Variants in RPL23A observed in about 807,000 individuals in gnomAD.
RPL23A encodes the protein ribosomal protein L23a, also known as large ribosomal subunit protein uL23.
RPL23A carries 2 observed loss-of-function variants against 17.6 expected under a neutral mutation model. The ratio of observed to expected loss-of-function variants is 0.11; its 90% confidence interval spans 0.05 to 0.36. The LOEUF is 0.36. Ranked by LOEUF, RPL23A falls within the 10% of genes least tolerant of loss-of-function variation. The pLI is 1.00. For synonymous variants in RPL23A, 65 were observed against 74.3 expected (o/e 0.87, Z 0.65); for missense variants, 132 against 194.4 (o/e 0.68, Z 1.91).
chr17:28,723,309 A>C lies in RPL23A; in HGVS notation c.387-262A>C. On this transcript the variant is annotated intron_variant, in intron 3 of 4. Coordinates refer to ENST00000422514, the MANE Select transcript of RPL23A (RefSeq NM_000984.6). Reference sequence around the variant, plus strand: ...GTTGGTCCTCATTTTCTGGGTCCCTACTTCTATTGGGAAAGGCAACTAGAG... The same window carrying C: ...GTTGGTCCTCATTTTCTGGGTCCCTCCTTCTATTGGGAAAGGCAACTAGAG... 4.7e-6 allele frequency: 3 copies of C among 644,296 alleles called. No individual in the cohort carries two copies. The South Asian group carries it at 4.8e-5, about 10-fold the overall frequency. The allele number at this position is 644,296 out of a possible 1,614,324, so 39.9% of individuals were successfully genotyped here.
chr17:28,720,775 G>T lies in RPL23A; in HGVS notation c.94G>T (p.Val32Phe). ...LKAKKAVLKG[V>F]HSHKKKKIRT... ...GGCCAAGAAGGCAGTGTTGAAAGGT[G>T]TCCACAGCCACAAAAAGAAGAAGAT... is the stretch of plus-strand genomic sequence containing the variant. Residue 32 changes from valine to phenylalanine, a missense_variant, in exon 2 of 5, where the codon GTC becomes TTC. Physicochemically the swap from Val to Phe is conservative, Grantham distance 50 (BLOSUM62 -1). This residue lies in a region of RPL23A where 63 missense variants were observed against 48.9 expected (regional missense o/e 1.29). Coordinates refer to ENST00000422514, the MANE Select transcript of RPL23A (RefSeq NM_000984.6). 1 of 1,612,462 alleles carries T rather than the reference G, an allele frequency of 6.2e-7. No homozygotes were observed. The highest frequency in any genetic ancestry group is 8.5e-7 in the Non-Finnish European group (1 of 1,178,476).
intron 2 of RPL23A, 198 bp from the exon 3 acceptor site, chr17:28,722,525 A>C: frequency 1.4e-6 from 1 of 738,604 alleles, no homozygotes; most frequent in Admixed American, 1.7e-5. Context: ...CTTCAAGAGA[A>C]AGAAAATGCA....
Position 28,720,715 on chromosome 17 carries a change from C to T in RPL23A, c.34C>T (p.Pro12Ser), listed in dbSNP as rs767159158. The T allele has an allele frequency of 3.7e-6, 6 of 1,614,032 alleles. No homozygotes were observed. Among genetic ancestry groups the T allele is most frequent in the Non-Finnish European group, 4.2e-6 (5 of 1,179,956 alleles). Residue 12 changes from proline to serine, a missense_variant, in exon 2 of 5, where the codon CCT (proline) becomes TCT (serine). Physicochemically the swap from Pro to Ser is moderately conservative, Grantham distance 74. Transcript: ENST00000422514. The part of the protein sequence containing the change: ...APKAKKEAPA[P>S]PKAEAKAKAL... ...CTTTCCTTTTCTCCCAGCTCCTGCC[C>T]CTCCTAAAGCTGAAGCCAAAGCGAA...
At chr17:28,720,073 G>T in intron 1 of RPL23A, 43 bp downstream of exon 1, 1 of 1,550,220 alleles carries the variant, frequency 6.5e-7, no homozygotes, top group Non-Finnish European at 8.7e-7. Flanking sequence ...ACCGGGGATT[G>T]CCGCGCCGCA....
intron 1 of RPL23A, 101 bp from the exon 2 acceptor site, chr17:28,720,606 C>A: frequency 7.1e-7 from 1 of 1,401,234 alleles, no homozygotes; most frequent in Non-Finnish European, 1.0e-6. Flanking sequence ...TCAAAGGAAC[C>A]ACTGATGCAC....
rs1321024481 is a variant in RPL23A, at chr17:28,722,480, AGAT to A, written c.210-239_210-237del. The A allele has an allele frequency of 9.4e-6, 6 of 637,758 alleles. No individual in the cohort carries two copies. In the African/African-American group the frequency reaches 1.1e-4, roughly 11 times the overall value. The allele number at this position is 637,758 out of a possible 1,614,324, so 39.5% of individuals were successfully genotyped here. A position where few individuals can be genotyped will look rare whatever the true frequency, so the allele number is the denominator to read the frequency against. On this transcript the variant is annotated intron_variant, in intron 2 of 4. Coordinates refer to ENST00000422514, the MANE Select transcript of RPL23A (RefSeq NM_000984.6). ...CCATGAGCCAGCACACCTGGCCCAG[AGAT>A]GATTCTTTAATCACTTGAGGTTGTA...
intron 3 of RPL23A, 138 bp from the exon 4 acceptor site, chr17:28,723,433 T>C (rs2034151832): frequency 1.3e-6 from 1 of 792,584 alleles, no homozygotes; most frequent in Non-Finnish European, 2.3e-6. Context: ...TCCTCTGGGC[T>C]AATGATGGAA....
intron 1 of RPL23A, 172 bp from the exon 2 acceptor site, chr17:28,720,535 T>C (rs1398729557): frequency 6.9e-7 from 1 of 1,455,624 alleles, no homozygotes; most frequent in South Asian, 1.1e-5. Context: ...GTTGGTCGCT[T>C]TCGCCTCTGG....
intron 1 of RPL23A, 156 bp downstream of exon 1, chr17:28,720,186 T>C: frequency 6.5e-7 from 1 of 1,527,056 alleles, no homozygotes; most frequent in Non-Finnish European, 8.9e-7. Flanking sequence ...GTGGGCCGCG[T>C]GGGCCCAGCC....
chr17:28,720,958 C>T lies in RPL23A; in HGVS notation c.209+68C>T, dbSNP rs954971069. On this transcript the variant is annotated intron_variant, in intron 2 of 4. Coordinates refer to ENST00000422514, the MANE Select transcript of RPL23A (RefSeq NM_000984.6). ...TCCATTGGTAATTTGGAAATTCACT[C>T]ACTCTGCGTGATGGTTTCTCAAACG... is the stretch of plus-strand genomic sequence containing the variant. 4 of 1,372,732 alleles carry T rather than the reference C, an allele frequency of 2.9e-6. No homozygotes were observed. The Admixed American group carries it at 7.5e-5, about 26-fold the overall frequency. The allele number at this position is 1,372,732 out of a possible 1,614,324, so 85.0% of individuals were successfully genotyped here.
intron 2 of RPL23A, chr17:28,722,412 C>T (rs1163312869): frequency 8.8e-6 from 4 of 455,502 alleles, no homozygotes; most frequent in East Asian, 5.0e-5. Context: ...CTCTTGACCT[C>T]GTGATCAGCC....
At position 28,720,860 on chromosome 17, in the gene RPL23A, A is replaced by G; in HGVS notation, c.179A>G (p.Tyr60Cys). Residue 60 changes from tyrosine (Y) to cysteine (C), a missense_variant, in exon 2 of 5, where the codon TAT becomes TGT. By Grantham distance (194) the Tyr-to-Cys change is radical. Transcript: ENST00000422514. ...CTGCGACTCCGGAGACAGCCCAAAT[A>G]TCCTCGGAAGAGCGCTCCCAGGAGA... ...KTLRLRRQPK[Y>C]PRKSAPRRNK... is the part of the protein sequence containing the mutation. The G allele has an allele frequency of 3.7e-6, 6 of 1,614,010 alleles. No individual in the cohort carries two copies. Among genetic ancestry groups the G allele is most frequent in the Non-Finnish European group, 5.1e-6 (6 of 1,179,936 alleles).
At chr17:28,721,264 G>A (rs538959595) in intron 2 of RPL23A, 1 of 211,268 alleles carries the variant, frequency 4.7e-6, no homozygotes, top group African/African-American at 2.3e-5. Flanking sequence ...TGAGGCAGGA[G>A]AATCGCTTGA....
chr17:28,723,739 TTAAC>T (rs773961098), intron 4 of RPL23A, 99 bp downstream of exon 4: 4 of 1,365,624 alleles, frequency 2.9e-6, no homozygotes, highest in Admixed American at 3.3e-5. Context: ...TTAGTCATAA[TTAAC>T]TGACTGCACC....
At position 28,724,158 on chromosome 17, in the gene RPL23A, A is replaced by T; in HGVS notation, c.*277A>T. 1 of 510,462 alleles carries T rather than the reference A, an allele frequency of 2.0e-6. No homozygotes were observed. Among genetic ancestry groups the T allele is most frequent in the Non-Finnish European group, 3.4e-6 (1 of 293,766 alleles). The allele number at this position is 510,462 out of a possible 1,614,324, so 31.6% of individuals were successfully genotyped here. A position where few individuals can be genotyped will look rare whatever the true frequency, so the allele number is the denominator to read the frequency against. ...CCATGGTTGAGTAACAAGCTGTACA[A>T]GAACCCCTTTTATCCCTGGAAGAGG... On this transcript the variant is annotated 3_prime_UTR_variant, in exon 5 of 5. Coordinates refer to ENST00000422514, the MANE Select transcript of RPL23A (RefSeq NM_000984.6).
intron 1 of RPL23A, chr17:28,720,445 CG>C: frequency 1.9e-6 from 3 of 1,611,682 alleles, no homozygotes; most frequent in Non-Finnish European, 2.5e-6. Context: ...GTGTAAAATT[CG>C]TAGGACATTT....
Position 28,720,814 on chromosome 17 carries a change from A to G in RPL23A, c.133A>G (p.Thr45Ala). Residue 45 changes from threonine to alanine, a missense_variant, in exon 2 of 5, where the codon ACC becomes GCC. By Grantham distance (58) the Thr-to-Ala change is moderately conservative. Around this residue, in one of 2 missense-constraint regions of RPL23A, gnomAD observed 69 missense variants for 145.5 expected, o/e 0.47. Coordinates refer to ENST00000422514, the MANE Select transcript of RPL23A (RefSeq NM_000984.6). ...AAAGAAGAAGATCCGCACGTCACCC[A>G]CCTTCCGGCGGCCGAAGACACTGCG... ...HKKKKIRTSP[T>A]FRRPKTLRLR... The G allele has an allele frequency of 6.2e-7, 1 of 1,613,626 alleles. No individual in the cohort carries two copies. Among genetic ancestry groups the G allele is most frequent in the Non-Finnish European group, 8.5e-7 (1 of 1,179,496 alleles).
intron 4 of RPL23A, 90 bp downstream of exon 4, chr17:28,723,730 T>A: frequency 1.4e-6 from 2 of 1,380,312 alleles, no homozygotes. Flanking sequence ...CTTTGCTGAT[T>A]AGTCATAATT....
chr17:28,720,342 G>T lies in RPL23A; in HGVS notation c.25+312G>T, dbSNP rs1466426032. On this transcript the variant is annotated intron_variant, in intron 1 of 4. Coordinates refer to ENST00000422514, the MANE Select transcript of RPL23A (RefSeq NM_000984.6). ...GTCCCCGGGCCTGTAAGGAATTAGTGCCCTCAGCTTTAACCATTTTCCTTC... is the reference window on the plus strand; with the variant it reads ...GTCCCCGGGCCTGTAAGGAATTAGTTCCCTCAGCTTTAACCATTTTCCTTC... The T allele has an allele frequency of 2.6e-6, 4 of 1,551,706 alleles. No individual in the cohort carries two copies. In the Admixed American group the frequency reaches 5.9e-5, roughly 23 times the overall value.
Sources: allele counts gnomAD v4.1 joint callset, GRCh38; gene constraint gnomAD v4.1.1; regional missense constraint gnomAD v4.1.1; transcripts MANE v1.5; gene names NCBI Gene and HGNC (gene_info 2026-07-23, HGNC 2026-07-21).